WDR93: variants seen among roughly 807,000 people sequenced by gnomAD.
WDR93 encodes the protein WD repeat-containing protein 93.
Under a neutral mutation model 82.9 loss-of-function variants are expected in WDR93, and 73 were observed. The observed-to-expected ratio is 0.88, with a 90% CI of 0.73 to 1.07. The LOEUF (loss-of-function observed/expected upper bound fraction) is 1.07. Among genes scored for constraint, WDR93 ranks in the 50% least tolerant of loss-of-function variants. The pLI is 0.00. For synonymous variants in WDR93, 283 were observed against 300.1 expected, an observed-to-expected ratio of 0.94 and a Z score of 0.59; for missense variants, 738 against 826.0, an observed-to-expected ratio of 0.89 and a Z score of 1.31.
chr15:89,721,108 A>G (rs187465888), intron 7 of WDR93: 1 of 152,318 alleles, frequency 6.6e-6, no homozygotes, highest in East Asian at 1.9e-4. Context: ...GAATTCTTCT[A>G]TGTCAAATAC....
intron 8 of WDR93, among the ~76,000 whole-genome samples, chr15:89,726,455 T>C (rs1165437994): frequency 6.6e-6 from 1 of 152,214 alleles, no homozygotes; most frequent in Non-Finnish European, 1.5e-5. Flanking sequence ...TAGAAAATTA[T>C]GCAGTTGTCT....
chr15:89,691,612 C>T (rs1450725271), intron 1 of WDR93, among the ~76,000 whole-genome samples: 3 of 152,044 alleles, frequency 2.0e-5, no homozygotes, highest in Non-Finnish European at 4.4e-5. Context: ...CCCAGCTACT[C>T]GGGAGGCTGA....
At chr15:89,694,018 G>C (rs111867875) in intron 1 of WDR93, among the ~76,000 whole-genome samples, 77 of 152,294 alleles carry the variant, frequency 5.1e-4, no homozygotes, top group African/African-American at 1.7e-3. Flanking sequence ...TCCCAATAGT[G>C]TGTATGAGCA....
At chr15:89,696,905 G>C (rs1353254094) in intron 1 of WDR93, among the ~76,000 whole-genome samples, 1 of 152,150 alleles carries the variant, frequency 6.6e-6, no homozygotes, top group African/African-American at 2.4e-5. Flanking sequence ...ATTTTCAACA[G>C]CAATGTATGG....
At chr15:89,706,501 A>G (rs1479922285) in intron 4 of WDR93, among the ~76,000 whole-genome samples, 9 of 152,234 alleles carry the variant, frequency 5.9e-5, no homozygotes, top group Middle Eastern at 3.4e-3. Flanking sequence ...ATGGGCACCA[A>G]GGCAATTCAG....
chr15:89,735,376 C>T, intron 13 of WDR93, 114 bp from the exon 14 acceptor site: 1 of 1,057,846 alleles, frequency 9.5e-7, no homozygotes, highest in South Asian at 1.4e-5. Context: ...TGAACAGCCT[C>T]CTCACATATT....
chr15:89,694,257 T>C (rs1270455998), intron 1 of WDR93, among the ~76,000 whole-genome samples: 2 of 148,650 alleles, frequency 1.3e-5, no homozygotes, highest in African/African-American at 4.9e-5. Context: ...TCTTTTTTTT[T>C]TTTTTTTTTT....
intron 4 of WDR93, among the ~76,000 whole-genome samples, chr15:89,708,592 T>C (rs1294801816): frequency 6.6e-6 from 1 of 152,148 alleles, no homozygotes; most frequent in Non-Finnish European, 1.5e-5. Context: ...GATGATTCAA[T>C]GTCAGGAATG....
chr15:89,721,370 A>G (rs1386386125), intron 7 of WDR93: 1 of 152,254 alleles, frequency 6.6e-6, no homozygotes, highest in Non-Finnish European at 1.5e-5. Flanking sequence ...CATCCTGAGC[A>G]GCATGGCGAG....
intron 7 of WDR93, among the ~76,000 whole-genome samples, chr15:89,719,051 A>AT (rs563209400): frequency 1.4e-4 from 22 of 152,112 alleles, no homozygotes; most frequent in African/African-American, 5.1e-4. Flanking sequence ...ATAAACTTGC[A>AT]TTTTTTTACT....
chr15:89,701,138 C>A (rs536972122), intron 1 of WDR93, among the ~76,000 whole-genome samples: 2 of 152,188 alleles, frequency 1.3e-5, no homozygotes, highest in East Asian at 3.9e-4. Context: ...TTGGTCAATT[C>A]TTTTTTTAAT....
intron 8 of WDR93, among the ~76,000 whole-genome samples, chr15:89,723,568 T>TA (rs1292242684): frequency 1.3e-5 from 2 of 152,006 alleles, no homozygotes; most frequent in African/African-American, 2.4e-5. Context: ...GTTATTAAGA[T>TA]AAAAAATAGA....
intron 13 of WDR93, among the ~76,000 whole-genome samples, chr15:89,734,350 A>G (rs1342620560): frequency 1.3e-5 from 2 of 152,126 alleles, no homozygotes; most frequent in African/African-American, 4.8e-5. Flanking sequence ...AGATAGCTTC[A>G]CTCACACACC....
At chr15:89,703,432 C>T in intron 3 of WDR93, 1 of 428,630 alleles carries the variant, frequency 2.3e-6, no homozygotes, top group Non-Finnish European at 4.2e-6. Context: ...TTTGAGGTAA[C>T]ATGGAAAGTC....
At chr15:89,735,352 A>AT (rs1967079153) in intron 13 of WDR93, 138 bp from the exon 14 acceptor site, 2 of 736,246 alleles carry the variant, frequency 2.7e-6, no homozygotes, top group African/African-American at 1.8e-5. Flanking sequence ...ATTGTTCTTA[A>AT]TTTTTTGCTA....
At position 89,742,438 on chromosome 15, in the gene WDR93, G is replaced by A. The variant is rs567163548; in HGVS notation, c.1962-854G>A. Among the ~76,000 whole-genome samples, 166 of 151,954 alleles carry A rather than the reference G, an allele frequency of 1.1e-3. 1 individual carries two copies. The highest frequency in any genetic ancestry group is 1.9e-3 in the Non-Finnish European group (131 of 67,978). On this transcript the variant is annotated intron_variant, in intron 16 of 16. Transcript: ENST00000268130. ...CAGCCCCCCCTCCACCCTGCTAAGC[G>A]TGCCCGTCTCTGTGTGCACTCTGAG...
chr15:89,741,826 A>G (rs1294741375), intron 16 of WDR93, among the ~76,000 whole-genome samples: 1 of 151,906 alleles, frequency 6.6e-6, no homozygotes, highest in Admixed American at 6.6e-5. Flanking sequence ...ATCTCAGCTC[A>G]CTGCAACCTC....
At position 89,727,257 on chromosome 15, in the gene WDR93, G is replaced by A. The variant is rs1197046533; in HGVS notation, c.981G>A (p.Glu327=). 2 of 1,614,070 alleles carry A rather than the reference G, an allele frequency of 1.2e-6. No homozygotes were observed. Among genetic ancestry groups the A allele is most frequent in the Admixed American group, 3.3e-5 (2 of 60,006 alleles). Residue 327 remains glutamate (E), a synonymous_variant, in exon 9 of 17, where the codon GAG becomes GAA. Transcript: ENST00000268130. ...QNHFIKDSQW[E]QQAEIFNASY... ...ATTTCATCAAGGACAGTCAGTGGGA[G>A]CAGCAAGCTGAGATCTTCAACGCTT...
chr15:89,719,957 G>T (rs1056361916), intron 7 of WDR93, among the ~76,000 whole-genome samples: 1 of 151,686 alleles, frequency 6.6e-6, no homozygotes, highest in African/African-American at 2.4e-5. Flanking sequence ...CTGCCACCAC[G>T]CCTGGCTAAT....
Sources: gnomAD v4.1 joint callset for allele counts (sites outside exome capture counted in the v4.1 genomes callset) on GRCh38, gnomAD v4.1.1 for gene constraint, MANE v1.5 for transcripts, NCBI Gene and HGNC (gene_info 2026-07-23, HGNC 2026-07-21) for gene names.